Variants in GPC5 observed in about 807,000 individuals in gnomAD.
GPC5 encodes the protein glypican-5.
Under a neutral mutation model 53.9 loss-of-function variants are expected in GPC5, and 47 were observed. That is an observed-to-expected ratio of 0.87 (90% CI 0.69 to 1.11). The LOEUF (loss-of-function observed/expected upper bound fraction) is 1.11. Among genes scored for constraint, GPC5 ranks in the 50% most tolerant of loss-of-function variants. GPC5 has a pLI of 0.00. For missense variants in GPC5, 748 were observed against 713.1 expected (o/e 1.05, Z -0.56); for synonymous variants, 286 against 263.3 (o/e 1.09, Z -0.84).
In GPC5 at chr13:92,580,070, C is replaced by A. The variant is rs1883324904; in HGVS notation, c.1562-286212C>A. ...ATTACTCACTTAGGATAACTTTGTA[C>A]ATTTTAAAGTAGAAATGTAACTGCT... On this transcript the variant is annotated intron_variant, in intron 7 of 7. Coordinates refer to ENST00000377067, the MANE Select transcript of GPC5 (RefSeq NM_004466.6). Among the ~76,000 whole-genome samples the A allele has an allele frequency of 2.6e-5, 4 of 152,168 alleles. No homozygotes were observed. The South Asian group carries it at 8.3e-4, about 31-fold the overall frequency.
intron 7 of GPC5, among the ~76,000 whole-genome samples, chr13:92,419,736 A>G (rs1476857809): frequency 3.9e-5 from 6 of 152,190 alleles, no homozygotes; most frequent in Non-Finnish European, 8.8e-5. Flanking sequence ...TCTTTACACC[A>G]ATAACTCAAA....
chr13:92,200,735 A>T (rs2042288302), intron 7 of GPC5, among the ~76,000 whole-genome samples: 1 of 152,218 alleles, frequency 6.6e-6, no homozygotes, highest in African/African-American at 2.4e-5. Flanking sequence ...GCCCAAAGCT[A>T]GACCAATTAT....
intron 7 of GPC5, among the ~76,000 whole-genome samples, chr13:92,479,618 T>C (rs1313953178): frequency 6.6e-6 from 1 of 152,166 alleles, no homozygotes; most frequent in African/African-American, 2.4e-5. Context: ...CACCTCCAGT[T>C]TCTTCTTCTT....
intron 6 of GPC5, among the ~76,000 whole-genome samples, chr13:92,029,516 C>A (rs1348967397): frequency 6.6e-6 from 1 of 152,234 alleles, no homozygotes; most frequent in African/African-American, 2.4e-5. Context: ...TCGGGTTCAA[C>A]AGCATCTGAA....
At chr13:92,745,271 C>G (rs936890646) in intron 7 of GPC5, among the ~76,000 whole-genome samples, 29 of 152,088 alleles carry the variant, frequency 1.9e-4, no homozygotes, top group African/African-American at 7.0e-4. Context: ...TTGAGATGCT[C>G]ATAGCAAAAA....
intron 2 of GPC5, among the ~76,000 whole-genome samples, chr13:91,502,926 T>A (rs1884725510): frequency 6.6e-6 from 1 of 152,188 alleles, no homozygotes. Context: ...TGCTCTCAGA[T>A]CTGGTGTATT....
intron 5 of GPC5, among the ~76,000 whole-genome samples, chr13:91,837,396 T>G (rs2038733209): frequency 6.6e-6 from 1 of 152,090 alleles, no homozygotes; most frequent in African/African-American, 2.4e-5. Flanking sequence ...GAGATGATGC[T>G]CATCCAGAGA....
chr13:92,199,827 TA>T (rs35107859), intron 7 of GPC5, among the ~76,000 whole-genome samples: 3 of 152,080 alleles, frequency 2.0e-5, no homozygotes, highest in Admixed American at 1.3e-4. Context: ...CAATTTTTTT[TA>T]AAAAAAGCCA....
At chr13:92,281,459 T>C (rs1335775417) in intron 7 of GPC5, among the ~76,000 whole-genome samples, 4 of 152,024 alleles carry the variant, frequency 2.6e-5, no homozygotes. Flanking sequence ...CTCAAGTGGG[T>C]CCCTGACCAC....
At chr13:92,364,314 C>A (rs147264752) in intron 7 of GPC5, among the ~76,000 whole-genome samples, 1,576 of 151,906 alleles carry the variant, frequency 0.01, 73 homozygotes, top group African/African-American at 0.036. Context: ...TTCCAGCTAT[C>A]ATAAGGTGTG....
At chr13:91,862,379 C>T (rs1483354001) in intron 5 of GPC5, among the ~76,000 whole-genome samples, 1 of 152,146 alleles carries the variant, frequency 6.6e-6, no homozygotes, top group African/African-American at 2.4e-5. Context: ...CTCCAGGAAA[C>T]ATCTGATAGT....
chr13:92,547,502 C>G (rs2139010752), intron 7 of GPC5, among the ~76,000 whole-genome samples: 1 of 152,238 alleles, frequency 6.6e-6, no homozygotes, highest in East Asian at 1.9e-4. Flanking sequence ...ATTGGAAAAG[C>G]TCAAAATGAG....
chr13:91,694,145 C>T (rs1163696141), intron 3 of GPC5, among the ~76,000 whole-genome samples: 1 of 152,086 alleles, frequency 6.6e-6, no homozygotes. Flanking sequence ...TTTAGCCTGC[C>T]GGTAATTAGC....
intron 7 of GPC5, among the ~76,000 whole-genome samples, chr13:92,826,772 C>G (rs1877864120): frequency 6.6e-6 from 1 of 152,072 alleles, no homozygotes; most frequent in Non-Finnish European, 1.5e-5. Context: ...TATTGTATTT[C>G]ACTTGTGAGT....
At chr13:92,648,338 G>T (rs1265926219) in intron 7 of GPC5, among the ~76,000 whole-genome samples, 1 of 151,918 alleles carries the variant, frequency 6.6e-6, no homozygotes, top group Non-Finnish European at 1.5e-5. Flanking sequence ...TATTCTTTTG[G>T]AGTTATTTTA....
At chr13:91,621,443 G>A (rs2033852491) in intron 2 of GPC5, among the ~76,000 whole-genome samples, 1 of 152,086 alleles carries the variant, frequency 6.6e-6, no homozygotes. Context: ...TCGGTGACAG[G>A]TAGACACATT....
At chr13:92,543,090 C>T (rs1450114297) in intron 7 of GPC5, among the ~76,000 whole-genome samples, 1 of 152,022 alleles carries the variant, frequency 6.6e-6, no homozygotes, top group Non-Finnish European at 1.5e-5. Flanking sequence ...CTCACCTCTT[C>T]ATCTTCTGCA....
rs765348924 is a variant in GPC5, at chr13:91,489,225, C to A, written c.325+40303C>A. ...GCATGTGATCTCTGTGACTCACACC[C>A]TATTCGTACACTCCCTCCCCTTTTG... is the stretch of plus-strand genomic sequence containing the variant. On this transcript the variant is annotated intron_variant, in intron 2 of 7. Coordinates refer to ENST00000377067, the MANE Select transcript of GPC5 (RefSeq NM_004466.6). Among the ~76,000 whole-genome samples the A allele has an allele frequency of 2.0e-5, 3 of 152,176 alleles. No individual in the cohort carries two copies. In the South Asian group the frequency reaches 6.2e-4, roughly 32 times the overall value.
intron 7 of GPC5, among the ~76,000 whole-genome samples, chr13:92,682,933 T>A (rs957834433): frequency 6.6e-6 from 1 of 152,156 alleles, no homozygotes; most frequent in Non-Finnish European, 1.5e-5. Flanking sequence ...TTTTCTCCTC[T>A]CCTTGTTCCC....
Sources: allele counts gnomAD v4.1 joint callset (sites outside exome capture counted in the v4.1 genomes callset), GRCh38; gene constraint gnomAD v4.1.1; transcripts MANE v1.5; gene names NCBI Gene and HGNC (gene_info 2026-07-23, HGNC 2026-07-21).